CTNNA3: variants seen among roughly 807,000 people sequenced by gnomAD.
The protein encoded by CTNNA3 is catenin alpha 3, also known as catenin alpha-3.
CTNNA3 carries 76 observed loss-of-function variants against 95.7 expected under a neutral mutation model. The ratio of observed to expected loss-of-function variants is 0.79; its 90% CI spans 0.66 to 0.96. The LOEUF is 0.96. Among genes scored for constraint, CTNNA3 ranks in the 40% least tolerant of loss-of-function variants. The probability of loss-of-function intolerance (pLI) is 0.00; values close to 1 mark genes in which losing one functional copy is unlikely to be tolerated. For synonymous variants in CTNNA3, 431 were observed against 374.4 expected, an observed-to-expected ratio of 1.15 and a Z score of -1.74; for missense variants, 1,191 against 1,089.8, an observed-to-expected ratio of 1.09 and a Z score of -1.31.
chr10:67,641,238 C>T (rs1564803034), intron 2 of CTNNA3, among the ~76,000 whole-genome samples: 2 of 152,002 alleles, frequency 1.3e-5, no homozygotes, highest in African/African-American at 4.8e-5. Context: ...TTTATGCAGC[C>T]AAAAGACACA....
intron 15 of CTNNA3, among the ~76,000 whole-genome samples, chr10:66,061,056 G>A (rs182882194): frequency 1.3e-5 from 2 of 152,244 alleles, no homozygotes. Flanking sequence ...TAAAAGGAAT[G>A]CTGGGTTGTT....
intron 11 of CTNNA3, among the ~76,000 whole-genome samples, chr10:66,384,180 G>T (rs1285300688): frequency 6.6e-6 from 1 of 152,134 alleles, no homozygotes; most frequent in Non-Finnish European, 1.5e-5. Flanking sequence ...AAACCCGTAA[G>T]TGTGCTGTAT....
chr10:66,262,212 C>T (rs924573719), intron 13 of CTNNA3, among the ~76,000 whole-genome samples: 1 of 151,944 alleles, frequency 6.6e-6, no homozygotes, highest in Admixed American at 6.6e-5. Flanking sequence ...CAAAGCCCTC[C>T]AAGGATTTTG....
chr10:65,926,240 C>A (rs1004373700), intron 17 of CTNNA3, among the ~76,000 whole-genome samples: 4 of 151,374 alleles, frequency 2.6e-5, no homozygotes, highest in Admixed American at 1.3e-4. Context: ...TATTAATAGG[C>A]TTTTAGGTAG....
chr10:65,925,018 G>A (rs1217794475), intron 17 of CTNNA3, among the ~76,000 whole-genome samples: 2 of 152,090 alleles, frequency 1.3e-5, no homozygotes, highest in Admixed American at 1.3e-4. Flanking sequence ...TGACACATGG[G>A]GATTACTACA....
intron 6 of CTNNA3, among the ~76,000 whole-genome samples, chr10:67,214,407 C>T (rs1057231140): frequency 1.3e-5 from 2 of 151,696 alleles, no homozygotes; most frequent in African/African-American, 4.8e-5. Flanking sequence ...GACCCTAGAA[C>T]ATTTAACTAT....
intron 13 of CTNNA3, among the ~76,000 whole-genome samples, chr10:66,161,852 C>T (rs887238956): frequency 2.6e-5 from 4 of 152,168 alleles, no homozygotes; most frequent in Middle Eastern, 3.4e-3. Context: ...TAGGTTTGGT[C>T]GTTTAACATA....
intron 7 of CTNNA3, among the ~76,000 whole-genome samples, chr10:66,874,032 A>G (rs1414461399): frequency 6.6e-6 from 1 of 152,156 alleles, no homozygotes; most frequent in African/African-American, 2.4e-5. Flanking sequence ...ATGCAGAGAC[A>G]GTGAGGGACG....
rs1029784478 is a variant in CTNNA3 at position 66,720,596 on chromosome 10, A to G, written c.1281+45668T>C. 3.9e-5 allele frequency among the ~76,000 whole-genome samples: 6 copies of G among 151,968 alleles called. No homozygotes were observed. The East Asian group carries it at 1.2e-3, about 29-fold the overall frequency. The stretch of plus-strand genomic sequence containing the variant: ...GCCTATAATTCAAGCACTTTGGGAG[A>G]CTCAGGCGGGTGGATCACCTGAGGT... On this transcript the variant is annotated intron_variant, in intron 9 of 17. Transcript: ENST00000433211.
At chr10:66,077,603 G>A (rs114922272) in intron 14 of CTNNA3, among the ~76,000 whole-genome samples, 29 of 151,844 alleles carry the variant, frequency 1.9e-4, no homozygotes, top group African/African-American at 6.5e-4. Context: ...TCAGGATCTT[G>A]GCATGTATCA....
intron 13 of CTNNA3, among the ~76,000 whole-genome samples, chr10:66,189,600 T>TTATATATATA (rs539638553): frequency 1.0e-4 from 9 of 89,306 alleles, no homozygotes; most frequent in African/African-American, 2.8e-4. Flanking sequence ...TACTATAGAT[T>TTATATATATA]TATATATATA....
intron 1 of CTNNA3, among the ~76,000 whole-genome samples, chr10:67,690,301 G>C (rs1359450695): frequency 3.3e-5 from 5 of 152,164 alleles, no homozygotes; most frequent in Non-Finnish European, 7.3e-5. Context: ...GCTCATAAAG[G>C]TAGTGCGGAC....
intron 5 of CTNNA3, among the ~76,000 whole-genome samples, chr10:67,268,733 C>T (rs577512519): frequency 6.6e-6 from 1 of 152,258 alleles, no homozygotes; most frequent in Non-Finnish European, 1.5e-5. Flanking sequence ...TCAGTTAAAC[C>T]AGTATTTTAT....
At chr10:66,290,812 T>C (rs2091668965) in intron 12 of CTNNA3, among the ~76,000 whole-genome samples, 2 of 152,158 alleles carry the variant, frequency 1.3e-5, no homozygotes, top group East Asian at 1.9e-4. Flanking sequence ...TATTCGAAAT[T>C]GATGTCAACA....
At chr10:67,680,918 A>G (rs57017861) in intron 1 of CTNNA3, among the ~76,000 whole-genome samples, 9,022 of 152,216 alleles carry the variant, frequency 0.059, 284 homozygotes, top group South Asian at 0.1. Context: ...AAAAATACAA[A>G]TGTGGACCCA....
At chr10:67,239,767 TTGTCATATTACCCA>T (rs1865647713) in intron 5 of CTNNA3, among the ~76,000 whole-genome samples, 1 of 152,328 alleles carries the variant, frequency 6.6e-6, no homozygotes, top group Non-Finnish European at 1.5e-5. Flanking sequence ...ACTGGCTATG[TTGTCATATTACCCA>T]TGTCATTAAG....
chr10:66,600,760 G>A (rs998868994), intron 10 of CTNNA3, among the ~76,000 whole-genome samples: 7 of 151,796 alleles, frequency 4.6e-5, no homozygotes, highest in Non-Finnish European at 4.4e-5. Flanking sequence ...TGGAGCTAAG[G>A]CCTTCAATTA....
chr10:67,661,869 A>T (rs1325798093), intron 1 of CTNNA3, among the ~76,000 whole-genome samples: 1 of 152,222 alleles, frequency 6.6e-6, no homozygotes, highest in East Asian at 1.9e-4. Flanking sequence ...CTAAAATTTG[A>T]AAGATTATAA....
chr10:66,590,817 C>A (rs975274206), intron 10 of CTNNA3, among the ~76,000 whole-genome samples: 2 of 144,932 alleles, frequency 1.4e-5, no homozygotes, highest in African/African-American at 5.7e-5. Context: ...ATCTTCCTAA[C>A]TGATAATGCA....
Sources: gnomAD v4.1 joint callset for allele counts (sites outside exome capture counted in the v4.1 genomes callset) on GRCh38, gnomAD v4.1.1 for gene constraint, MANE v1.5 for transcripts, NCBI Gene and HGNC (gene_info 2026-07-23, HGNC 2026-07-21) for gene names.